The following DRC7 variants were observed in gnomAD, a reference collection of about 807,000 sequenced individuals.
DRC7 encodes coiled-coil domain containing 135.
DRC7 carries 80 observed loss-of-function variants against 104.4 expected under a neutral mutation model. The ratio of observed to expected loss-of-function variants is 0.77; its 90% CI spans 0.64 to 0.92. DRC7 has a LOEUF of 0.92. Ranked by LOEUF, DRC7 falls within the 40% of genes least tolerant of loss-of-function variation. The pLI, the probability that DRC7 is intolerant of heterozygous loss-of-function variation, is 0.00. For missense variants in DRC7, 1,034 were observed against 1,141.1 expected, an observed-to-expected ratio of 0.91 and a Z score of 1.35; for synonymous variants, 405 against 447.3, an observed-to-expected ratio of 0.91 and a Z score of 1.19.
At chr16:57,725,725 G>A (rs1322500933) in intron 13 of DRC7, 3 of 272,290 alleles carry the variant, frequency 1.1e-5, no homozygotes, top group East Asian at 7.4e-5. Context: ...TGGCAACTGT[G>A]TGTAATGGCA....
rs750190459 is a variant in DRC7 at position 57,728,595 on chromosome 16, G to C, written c.2391+11G>C. 6.4e-7 allele frequency: 1 copy of C among 1,563,532 alleles called. No homozygotes were observed. The highest frequency in any genetic ancestry group is 8.7e-7 in the Non-Finnish European group (1 of 1,150,164). On this transcript the variant is annotated intron_variant, in intron 17 of 18. Coordinates refer to ENST00000360716, the MANE Select transcript of DRC7 (RefSeq NM_001289162.2). ...GCCCGCTTTGAGAAGGTGCCACCAG[G>C]GCCTTTGTTGGGGAGGGGGGGATCT...
At chr16:57,728,649 C>T (rs185688909) in intron 17 of DRC7, 65 bp downstream of exon 17, 118 of 1,348,518 alleles carry the variant, frequency 8.8e-5, no homozygotes, top group Middle Eastern at 7.5e-4. Context: ...AATGGGCCCA[C>T]GGCTGTCCGC....
chr16:57,698,294 A>G, intron 3 of DRC7, 142 bp downstream of exon 3: 1 of 1,333,948 alleles, frequency 7.5e-7, no homozygotes, highest in Non-Finnish European at 1.0e-6. Context: ...TTCTGCTTTC[A>G]AATGGCCTGG....
chr16:57,705,135 C>A, intron 7 of DRC7, 101 bp downstream of exon 7: 1 of 1,308,910 alleles, frequency 7.6e-7, no homozygotes. Context: ...GTGTATGGAC[C>A]CCCCAACTAG....
chr16:57,727,416 C>T lies in DRC7; in HGVS notation c.2196+7C>T, dbSNP rs767058772. 7.5e-6 allele frequency: 12 copies of T among 1,602,820 alleles called. No individual in the cohort carries two copies. The highest frequency in any genetic ancestry group is 2.7e-5 in the African/African-American group (2 of 74,694). On this transcript the variant is annotated splice_region_variant and intron_variant, in intron 16 of 18. Transcript: ENST00000360716. ...GGAATATCGGGAGGCCATGGTCAGT[C>T]CCAATCCCTTCTCCAGGCCCCAGCT... is the stretch of plus-strand genomic sequence containing the variant.
rs774533202 is a variant in DRC7 at position 57,704,923 on chromosome 16, A to C, written c.747A>C (p.Lys249Asn). Residue 249 changes from lysine (K) to asparagine (N), a missense_variant, in exon 7 of 19, where the codon AAA becomes AAC. Transcript: ENST00000360716. ...EKVLPKKYTI[K>N]PPRDLCSRFE... ...TGCTGCCTAAGAAGTATACCATCAA[A>C]CCCCCCAGGGACCTGTGCAGCAGGT... 6.2e-7 allele frequency: 1 copy of C among 1,613,382 alleles called. No homozygotes were observed.
At chr16:57,704,766 C>T (rs1162735580) in intron 6 of DRC7, 110 bp from the exon 7 acceptor site, 4 of 1,289,042 alleles carry the variant, frequency 3.1e-6, no homozygotes, top group Non-Finnish European at 4.3e-6. Context: ...ACAGGAGTAG[C>T]TGCCATCCCC....
rs2048575777 is a variant in DRC7 at position 57,694,869 on chromosome 16, G to A, written c.-169+17G>A. 6.6e-6 allele frequency: 1 copy of A among 152,180 alleles called. No individual in the cohort carries two copies. The highest frequency in any genetic ancestry group is 1.5e-5 in the Non-Finnish European group (1 of 68,054). The allele number at this position is 152,180 out of a possible 1,614,324, so 9.4% of individuals were successfully genotyped here. A position where few individuals can be genotyped will look rare whatever the true frequency, so the allele number is the denominator to read the frequency against. On this transcript the variant is annotated intron_variant, in intron 1 of 18. Coordinates refer to ENST00000360716, the MANE Select transcript of DRC7 (RefSeq NM_001289162.2). Reference sequence around the variant, plus strand: ...CTCGGAGGGGTGAGGAGGGAGCAAGGGACTTGGGGTGGCTGGACCCTGTCT... The same window carrying A: ...CTCGGAGGGGTGAGGAGGGAGCAAGAGACTTGGGGTGGCTGGACCCTGTCT...
At chr16:57,714,607 CAGAG>C (rs771013665) in intron 8 of DRC7, 2 of 170,160 alleles carry the variant, frequency 1.2e-5, no homozygotes, top group South Asian at 1.3e-4. Context: ...GCCTGGGCAA[CAGAG>C]AGAGAGAGTC....
Position 57,724,815 on chromosome 16 carries a change from T to C in DRC7, c.1738T>C (p.Ser580Pro), listed in dbSNP as rs115241876. The C allele has an allele frequency of 3.3e-3, 5,379 of 1,613,314 alleles. 16 individuals are homozygous for C. The highest frequency in any genetic ancestry group is 6.3e-3 in the Middle Eastern group (38 of 6,062). ...VKKLTLSSAE[S>P]NPRPIVKITE... ...GAAGCTCACTCTGAGCAGTGCAGAGTCAAACCCCCGGCCCATTGTGGTAAG... is the reference window on the plus strand; with the variant it reads ...GAAGCTCACTCTGAGCAGTGCAGAGCCAAACCCCCGGCCCATTGTGGTAAG... Residue 580 changes from serine to proline, a missense_variant, in exon 13 of 19, where the codon TCA (serine) becomes CCA (proline). Coordinates refer to ENST00000360716, the MANE Select transcript of DRC7 (RefSeq NM_001289162.2).
At position 57,722,680 on chromosome 16, in the gene DRC7, G is replaced by A. The variant is rs771144998; in HGVS notation, c.1280-33G>A. ...GCTGGCCCTCCCTTCCCCCAAACTA[G>A]CAAGAAGAGACCACAGCTGACTGTG... On this transcript the variant is annotated intron_variant, in intron 10 of 18. Coordinates refer to ENST00000360716, the MANE Select transcript of DRC7 (RefSeq NM_001289162.2). 6 of 1,612,094 alleles carry A rather than the reference G, an allele frequency of 3.7e-6. No homozygotes were observed. In the East Asian group the frequency reaches 8.9e-5, roughly 24 times the overall value.
chr16:57,726,174 G>A lies in DRC7; in HGVS notation c.1865G>A (p.Cys622Tyr), dbSNP rs201698464. The A allele has an allele frequency of 8.8e-5, 142 of 1,613,218 alleles. 1 individual carries two copies. The East Asian group carries it at 2.5e-3, about 29-fold the overall frequency. The change falls in exon 14 of 19, where the codon TGC becomes TAC. Residue 622 changes from cysteine to tyrosine, a missense_variant. By Grantham distance (194) the Cys-to-Tyr change is radical. Coordinates refer to ENST00000360716, the MANE Select transcript of DRC7 (RefSeq NM_001289162.2). ...GAGCGCATCCAGCTGCGCTACCACT[G>A]CCGTGAGGACCACATCACGGCCTCC... ...AEERIQLRYH[C>Y]REDHITASKR...
intron 12 of DRC7, among the ~76,000 whole-genome samples, chr16:57,723,511 T>G (rs2048929471): frequency 6.6e-6 from 1 of 152,112 alleles, no homozygotes; most frequent in East Asian, 1.9e-4. Flanking sequence ...CATGGGCAGT[T>G]GAGCCCAGGG....
At chr16:57,718,779 C>T (rs2048872478) in intron 9 of DRC7, among the ~76,000 whole-genome samples, 1 of 152,092 alleles carries the variant, frequency 6.6e-6, no homozygotes, top group Admixed American at 6.6e-5. Flanking sequence ...CTTTGGAAAG[C>T]ATGTCCCTTG....
At chr16:57,722,548 G>C (rs2048914700) in intron 10 of DRC7, among the ~76,000 whole-genome samples, 165 bp from the exon 11 acceptor site, 1 of 152,128 alleles carries the variant, frequency 6.6e-6, no homozygotes, top group Non-Finnish European at 1.5e-5. Flanking sequence ...TCTAGGGCTG[G>C]AGCCACCCCT....
At chr16:57,699,215 C>T (rs181595175) in intron 4 of DRC7, among the ~76,000 whole-genome samples, 191 bp downstream of exon 4, 2 of 152,322 alleles carry the variant, frequency 1.3e-5, no homozygotes, top group African/African-American at 4.8e-5. Flanking sequence ...GCAGATTACC[C>T]TGGAGGGCGG....
rs779592390 is a variant in DRC7 at position 57,730,964 on chromosome 16, T to G, written c.2425T>G (p.Tyr809Asp). The G allele has an allele frequency of 1.2e-5, 20 of 1,613,514 alleles. No individual in the cohort carries two copies. Among genetic ancestry groups the G allele is most frequent in the Non-Finnish European group, 1.4e-5 (16 of 1,179,924 alleles). The part of the protein sequence containing the change: ...TQELQKKQQW[Y>D]QENQVTLTPE... ...GGAGCTGCAAAAGAAGCAGCAGTGG[T>G]ACCAGGAGAACCAGGTGACGCTGAC... The change falls in exon 18 of 19, where the codon TAC becomes GAC. Residue 809 changes from tyrosine to aspartate, a missense_variant. Coordinates refer to ENST00000360716, the MANE Select transcript of DRC7 (RefSeq NM_001289162.2).
At chr16:57,713,153 C>T (rs1237485938) in intron 8 of DRC7, among the ~76,000 whole-genome samples, 1 of 152,174 alleles carries the variant, frequency 6.6e-6, no homozygotes, top group Non-Finnish European at 1.5e-5. Flanking sequence ...CTAGGAAATT[C>T]ACCAAATTCT....
rs141882630 is a variant in DRC7, at chr16:57,730,407, G to A, written c.2392-524G>A. ...TGGATGAGTGGAAGGACGGATGGACGGATGGATGGGCAGGGATGGGTGGAG... is the reference window on the plus strand; with the variant it reads ...TGGATGAGTGGAAGGACGGATGGACAGATGGATGGGCAGGGATGGGTGGAG... On this transcript the variant is annotated intron_variant, in intron 17 of 18. Transcript: ENST00000360716. Among the ~76,000 whole-genome samples, 30 of 152,006 alleles carry A rather than the reference G, an allele frequency of 2.0e-4. No individual in the cohort carries two copies. The East Asian group carries it at 4.2e-3, about 22-fold the overall frequency.
Sources: gnomAD v4.1 joint callset for allele counts (sites outside exome capture counted in the v4.1 genomes callset) on GRCh38, gnomAD v4.1.1 for gene constraint, MANE v1.5 for transcripts, NCBI Gene and HGNC (gene_info 2026-07-23, HGNC 2026-07-21) for gene names.